The following CEP112 variants were observed in gnomAD, a reference collection of about 807,000 sequenced individuals.
The protein encoded by CEP112 is centrosomal protein of 112 kDa.
Under a neutral mutation model 153.0 loss-of-function variants are expected in CEP112, and 127 were observed. The observed-to-expected ratio is 0.83, with a 90% CI of 0.72 to 0.96. The LOEUF (loss-of-function observed/expected upper bound fraction) is 0.96, where lower values mean the gene tolerates loss of function less well. CEP112 is among the 40% of genes least tolerant of loss of function. The pLI is 0.00. For missense variants in CEP112, 1,089 were observed against 1,101.2 expected, an observed-to-expected ratio of 0.99 and a Z score of 0.16; for synonymous variants, 358 against 374.4, an observed-to-expected ratio of 0.96 and a Z score of 0.51.
intron 17 of CEP112, among the ~76,000 whole-genome samples, chr17:65,985,054 T>G (rs924689663): frequency 6.6e-6 from 1 of 152,154 alleles, no homozygotes. Context: ...TGAAGGTAGA[T>G]GATGAGAAAT....
intron 20 of CEP112, among the ~76,000 whole-genome samples, chr17:65,879,149 T>C (rs1056581998): frequency 6.6e-6 from 1 of 152,206 alleles, no homozygotes; most frequent in East Asian, 1.9e-4. Context: ...ATCAATGATT[T>C]TGAGATGGGA....
At chr17:65,865,708 G>A (rs541859656) in intron 20 of CEP112, among the ~76,000 whole-genome samples, 6 of 152,198 alleles carry the variant, frequency 3.9e-5, no homozygotes, top group Non-Finnish European at 8.8e-5. Context: ...GGGTTGCCAG[G>A]CCACCTGCCC....
At chr17:65,794,492 C>A (rs1306628631) in intron 21 of CEP112, among the ~76,000 whole-genome samples, 1 of 152,092 alleles carries the variant, frequency 6.6e-6, no homozygotes, top group East Asian at 1.9e-4. Flanking sequence ...CACATCCCAC[C>A]ACTTTACTGA....
intron 16 of CEP112, among the ~76,000 whole-genome samples, chr17:66,017,216 G>C: frequency 6.6e-6 from 1 of 152,130 alleles, no homozygotes; most frequent in Non-Finnish European, 1.5e-5. Context: ...TTGTCTTTTT[G>C]TAACTGCTTT....
chr17:66,006,655 T>C (rs1343169218), intron 16 of CEP112, among the ~76,000 whole-genome samples: 1 of 151,776 alleles, frequency 6.6e-6, no homozygotes, highest in African/African-American at 2.4e-5. Flanking sequence ...CATATGCAGA[T>C]AAACATAGCC....
intron 19 of CEP112, among the ~76,000 whole-genome samples, chr17:65,917,097 GC>G (rs2060522371): frequency 6.6e-6 from 1 of 152,106 alleles, no homozygotes; most frequent in South Asian, 2.1e-4. Context: ...CTGGTACTTT[GC>G]CATTGCCTGC....
intron 16 of CEP112, among the ~76,000 whole-genome samples, chr17:66,013,611 C>A (rs1165134731): frequency 1.1e-4 from 17 of 152,082 alleles, no homozygotes; most frequent in Admixed American, 1.0e-3. Flanking sequence ...GTTAAATGGG[C>A]CAAAGTGTTC....
At chr17:66,039,534 G>A (rs1412982732) in intron 12 of CEP112, among the ~76,000 whole-genome samples, 1 of 152,092 alleles carries the variant, frequency 6.6e-6, no homozygotes, top group African/African-American at 2.4e-5. Flanking sequence ...TCCAGCCTGG[G>A]CAACAGAGCA....
chr17:65,685,423 C>T (rs1007431228), intron 24 of CEP112, among the ~76,000 whole-genome samples: 7 of 152,070 alleles, frequency 4.6e-5, no homozygotes, highest in African/African-American at 1.7e-4. Flanking sequence ...AATTTTGATT[C>T]CTTAATGCAA....
At chr17:65,712,311 T>A (rs1354389858) in intron 23 of CEP112, among the ~76,000 whole-genome samples, 1 of 152,186 alleles carries the variant, frequency 6.6e-6, no homozygotes, top group Non-Finnish European at 1.5e-5. Context: ...CTGTAATTCA[T>A]GGCTATGATA....
chr17:66,057,284 G>C (rs1028024838), intron 11 of CEP112, among the ~76,000 whole-genome samples: 1 of 152,182 alleles, frequency 6.6e-6, no homozygotes, highest in South Asian at 2.1e-4. Context: ...ATAATTAACA[G>C]AACTTGGCAA....
intron 24 of CEP112, among the ~76,000 whole-genome samples, chr17:65,670,364 T>TAA (rs894928534): frequency 4.2e-5 from 6 of 144,542 alleles, no homozygotes; most frequent in Admixed American, 1.4e-4. Context: ...CAGTTGTAAC[T>TAA]AAAAAAAAAA....
At chr17:65,815,675 C>G (rs1190769417) in intron 21 of CEP112, among the ~76,000 whole-genome samples, 1 of 152,030 alleles carries the variant, frequency 6.6e-6, no homozygotes, top group Non-Finnish European at 1.5e-5. Context: ...TTACTTTATG[C>G]CACAAAAGTT....
At chr17:66,057,431 T>C (rs1000206482) in intron 11 of CEP112, among the ~76,000 whole-genome samples, 1 of 152,016 alleles carries the variant, frequency 6.6e-6, no homozygotes, top group East Asian at 1.9e-4. Flanking sequence ...GTATTCTCCA[T>C]GGGATAGGGA....
chr17:66,098,024 G>A (rs2068418686), intron 6 of CEP112, among the ~76,000 whole-genome samples: 3 of 152,182 alleles, frequency 2.0e-5, no homozygotes, highest in African/African-American at 7.2e-5. Flanking sequence ...ATGGTGAACT[G>A]TAACCTAACT....
At chr17:65,659,674 A>G (rs2046247942) in intron 24 of CEP112, among the ~76,000 whole-genome samples, 1 of 152,236 alleles carries the variant, frequency 6.6e-6, no homozygotes, top group African/African-American at 2.4e-5. Context: ...GAGAGAAAAG[A>G]ATTTTTTGTT....
At chr17:66,139,752 T>C (rs529118704) in intron 4 of CEP112, among the ~76,000 whole-genome samples, 24 of 152,198 alleles carry the variant, frequency 1.6e-4, no homozygotes, top group African/African-American at 5.8e-4. Context: ...ATAGAAAATA[T>C]GAACAGACCA....
intron 21 of CEP112, among the ~76,000 whole-genome samples, chr17:65,835,270 A>G (rs904349886): frequency 5.3e-5 from 8 of 152,068 alleles, no homozygotes; most frequent in African/African-American, 1.7e-4. Context: ...CCCAAGACAG[A>G]AAAAGGCCCA....
chr17:66,042,766 A>G (rs2066039843), intron 12 of CEP112, among the ~76,000 whole-genome samples: 1 of 152,192 alleles, frequency 6.6e-6, no homozygotes, highest in South Asian at 2.1e-4. Context: ...GATGTGAAAA[A>G]CAGGAGAAAC....
Sources: allele counts gnomAD v4.1 joint callset (sites outside exome capture counted in the v4.1 genomes callset), GRCh38; gene constraint gnomAD v4.1.1; transcripts MANE v1.5; gene names NCBI Gene and HGNC (gene_info 2026-07-23, HGNC 2026-07-21).